Variants in TEX35 observed in about 807,000 individuals in gnomAD.
The protein encoded by TEX35 is testis-expressed protein 35.
A neutral mutation model predicts 31.9 loss-of-function variants in TEX35; 26 were observed. That is an observed-to-expected ratio of 0.81 (90% CI 0.60 to 1.13). TEX35 has a LOEUF of 1.13. Ranked by LOEUF, TEX35 falls within the 50% of genes most tolerant of loss-of-function variation. TEX35 has a pLI of 0.00. For synonymous variants in TEX35, 87 were observed against 90.7 expected (o/e 0.96, Z 0.23); for missense variants, 278 against 273.5 (o/e 1.02, Z -0.12).
intron 5 of TEX35, among the ~76,000 whole-genome samples, chr1:178,517,884 G>C (rs1650136670): frequency 6.6e-6 from 1 of 152,016 alleles, no homozygotes; most frequent in African/African-American, 2.4e-5. Flanking sequence ...AAATACAATG[G>C]AAGAAATTAC....
intron 5 of TEX35, among the ~76,000 whole-genome samples, chr1:178,519,122 C>T (rs1572176169): frequency 6.6e-6 from 1 of 152,084 alleles, no homozygotes; most frequent in East Asian, 1.9e-4. Context: ...GTTTGCAAGG[C>T]GGCCTGGGTG....
rs1405185494 is a variant in TEX35, at chr1:178,513,960, G to A, written c.40-67G>A. On this transcript the variant is annotated intron_variant, in intron 1 of 8. Coordinates refer to ENST00000319416, the MANE Select transcript of TEX35 (RefSeq NM_032126.5). ...GGCAGGGGGCAGGGTTCCCGTGCAA[G>A]GGCCAGATGTTCTCCTCCCCAATCC... is the stretch of plus-strand genomic sequence containing the variant. 4 of 1,574,302 alleles carry A rather than the reference G, an allele frequency of 2.5e-6. No individual in the cohort carries two copies. The African/African-American group carries it at 4.1e-5, about 16-fold the overall frequency.
intron 3 of TEX35, 55 bp from the exon 4 acceptor site, chr1:178,515,804 C>T: frequency 2.9e-6 from 4 of 1,396,046 alleles, no homozygotes; most frequent in South Asian, 1.2e-5. Flanking sequence ...TTGATGGTTT[C>T]CCCTCCATCC....
At chr1:178,523,113 T>A (rs961981320), downstream of TEX35, among the ~76,000 whole-genome samples, 1 of 152,200 alleles carries the variant, frequency 6.6e-6, no homozygotes, top group Non-Finnish European at 1.5e-5. Context: ...CCATCCACAT[T>A]GTTGCAAACG....
chr1:178,519,967 T>C (rs1650205394), intron 5 of TEX35, among the ~76,000 whole-genome samples: 1 of 152,262 alleles, frequency 6.6e-6, no homozygotes. Flanking sequence ...AACATAAATA[T>C]GCAGGATCTG....
At chr1:178,516,754 CA>C in intron 5 of TEX35, 80 bp downstream of exon 5, 1 of 949,242 alleles carries the variant, frequency 1.1e-6, no homozygotes. Flanking sequence ...CCCTGCCCTC[CA>C]GGAGCTTATT....
At position 178,522,514 on chromosome 1, in the gene TEX35, G is replaced by C. The variant is rs1650324002; in HGVS notation, c.*74G>C. ...AGTGTTTCAGAAACTGTCCTGCCCTGGGTGTGATTCTTTGGCTTCAATTTG... is the reference window on the plus strand; with the variant it reads ...AGTGTTTCAGAAACTGTCCTGCCCTCGGTGTGATTCTTTGGCTTCAATTTG... On this transcript the variant is annotated 3_prime_UTR_variant, in exon 9 of 9. Transcript: ENST00000319416. 6 of 1,410,044 alleles carry C rather than the reference G, an allele frequency of 4.3e-6. No individual in the cohort carries two copies. Among genetic ancestry groups the C allele is most frequent in the South Asian group, 1.7e-5 (1 of 59,048 alleles). 87.3% of individuals were successfully genotyped at this position (1,410,044 alleles called of 1,614,324 possible). A position where few individuals can be genotyped will look rare whatever the true frequency, so the allele number is the denominator to read the frequency against.
chr1:178,516,290 C>A (rs538451087), intron 4 of TEX35, among the ~76,000 whole-genome samples: 47 of 152,314 alleles, frequency 3.1e-4, no homozygotes, highest in South Asian at 2.7e-3. Flanking sequence ...TATGATACAA[C>A]CAACCAACCA....
intron 8 of TEX35, 119 bp from the exon 9 acceptor site, chr1:178,522,206 G>A: frequency 7.3e-7 from 1 of 1,371,118 alleles, no homozygotes; most frequent in Non-Finnish European, 9.7e-7. Flanking sequence ...CTGAGGTCTT[G>A]TCACCAAGCA....
chr1:178,516,724 G>A (rs910607572), intron 5 of TEX35, 50 bp downstream of exon 5: 2 of 1,367,496 alleles, frequency 1.5e-6, no homozygotes, highest in South Asian at 1.3e-5. Context: ...ACTGGAAACT[G>A]TGGAAGAGAC....
Position 178,520,777 on chromosome 1 carries a change from T to C in TEX35, c.446T>C (p.Val149Ala). Residue 149 changes from valine to alanine, a missense_variant, in exon 7 of 9, where the codon GTC becomes GCC. Coordinates refer to ENST00000319416, the MANE Select transcript of TEX35 (RefSeq NM_032126.5). ...RPKKMDGASG[V>A]NGAPCALHKK... is the part of the protein sequence containing the mutation. ...AAGAAAATGGATGGAGCCAGTGGAG[T>C]CAATGGAGCACCCTGTGCTCTTCAC... 1 of 1,613,130 alleles carries C rather than the reference T, an allele frequency of 6.2e-7. No homozygotes were observed.
At chr1:178,518,358 A>C (rs1650154223) in intron 5 of TEX35, among the ~76,000 whole-genome samples, 2 of 152,168 alleles carry the variant, frequency 1.3e-5, no homozygotes, top group South Asian at 4.1e-4. Flanking sequence ...ACTTCTTAGA[A>C]TTTAACCTAT....
chr1:178,514,168 GGCCAA>G (rs1321440227), intron 2 of TEX35, 91 bp downstream of exon 2: 1 of 1,607,566 alleles, frequency 6.2e-7, no homozygotes, highest in Non-Finnish European at 8.5e-7. Context: ...TGATCCTAGT[GGCCAA>G]GATTTGTCCC....
chr1:178,514,679 T>C, intron 2 of TEX35, 21 bp from the exon 3 acceptor site: 1 of 1,612,990 alleles, frequency 6.2e-7, no homozygotes. Context: ...CAAAGGTCTG[T>C]GTTCCTGTTT....
rs375665900 is a variant in TEX35 at position 178,521,672 on chromosome 1, C to A, written c.586+408C>A. 3 of 1,551,902 alleles carry A rather than the reference C, an allele frequency of 1.9e-6. No homozygotes were observed. The Admixed American group carries it at 5.9e-5, about 30-fold the overall frequency. On this transcript the variant is annotated intron_variant, in intron 8 of 8. Transcript: ENST00000319416. The stretch of plus-strand genomic sequence containing the variant: ...CATCGAATATGTGTTTCCAACCTAG[C>A]GCAGCTGCAGAACCTACCAGCAGTT...
intron 5 of TEX35, among the ~76,000 whole-genome samples, chr1:178,519,784 G>A (rs1558038613): frequency 6.6e-6 from 1 of 152,034 alleles, no homozygotes; most frequent in Non-Finnish European, 1.5e-5. Context: ...TTTTTCTCAT[G>A]TCCACTATTT....
intron 8 of TEX35, chr1:178,521,608 G>A (rs763110643): frequency 2.3e-4 from 364 of 1,551,304 alleles, no homozygotes; most frequent in Admixed American, 5.7e-4. Context: ...TTGGCTTCTG[G>A]AGCTGCCTTC....
intron 1 of TEX35, among the ~76,000 whole-genome samples, chr1:178,513,497 T>TC (rs1227607596): frequency 1.3e-5 from 2 of 152,256 alleles, no homozygotes; most frequent in Non-Finnish European, 2.9e-5. Context: ...CACTCATGGT[T>TC]CCACGGCCCA....
At chr1:178,514,452 G>T (rs1394930468) in intron 2 of TEX35, among the ~76,000 whole-genome samples, 1 of 152,218 alleles carries the variant, frequency 6.6e-6, no homozygotes, top group Non-Finnish European at 1.5e-5. Context: ...GAGGCCCAAG[G>T]TGGGAATGAG....
Sources: allele counts gnomAD v4.1 joint callset (sites outside exome capture counted in the v4.1 genomes callset), GRCh38; gene constraint gnomAD v4.1.1; transcripts MANE v1.5; gene names NCBI Gene and HGNC (gene_info 2026-07-23, HGNC 2026-07-21).